Variants in XPOT observed in about 807,000 individuals in gnomAD.
XPOT encodes the protein exportin-T.
XPOT carries 34 observed loss-of-function variants against 128.2 expected under a neutral mutation model. That is an observed-to-expected ratio of 0.27 (90% confidence interval 0.20 to 0.35). The LOEUF (loss-of-function observed/expected upper bound fraction) is 0.35. Ranked by LOEUF, XPOT falls within the 10% of genes least tolerant of loss-of-function variation. XPOT has a pLI of 1.00. For synonymous variants in XPOT, 348 were observed against 394.3 expected (o/e 0.88, Z 1.39); for missense variants, 838 against 1,125.3 (o/e 0.74, Z 3.65).
chr12:64,435,725 T>G, intron 22 of XPOT, 51 bp downstream of exon 22: 1 of 1,530,004 alleles, frequency 6.5e-7, no homozygotes, highest in Non-Finnish European at 8.8e-7. Context: ...TGTGGTATTA[T>G]TATCTTGTTC....
At chr12:64,412,704 A>G (rs781212358) in intron 2 of XPOT, among the ~76,000 whole-genome samples, 3 of 152,166 alleles carry the variant, frequency 2.0e-5, no homozygotes, top group African/African-American at 4.8e-5. Context: ...AATCAATTCA[A>G]TTCTGACACT....
In XPOT at chr12:64,435,623, A is replaced by G. The variant is rs1402264229; in HGVS notation, c.2686-4A>G. 1.3e-6 allele frequency: 2 copies of G among 1,591,372 alleles called. No individual in the cohort carries two copies. Among genetic ancestry groups the G allele is most frequent in the Admixed American group, 1.7e-5 (1 of 58,162 alleles). The stretch of plus-strand genomic sequence containing the variant: ...ATAGAAATTCTTAAACTTGTTTTTC[A>G]CAGGCTTTATCTGAGTGTGCAGTGA... On this transcript the variant is annotated splice_region_variant and splice_polypyrimidine_tract_variant and intron_variant, in intron 21 of 24. Transcript: ENST00000332707.
At chr12:64,415,060 T>C in intron 3 of XPOT, 71 bp downstream of exon 3, 1 of 950,978 alleles carries the variant, frequency 1.1e-6, no homozygotes. Flanking sequence ...AATTTACCTG[T>C]ATTTGGAAAG....
chr12:64,442,522 T>G (rs528484925), intron 23 of XPOT: 1 of 152,392 alleles, frequency 6.6e-6, no homozygotes, highest in Non-Finnish European at 1.5e-5. Flanking sequence ...GGCACTGGCT[T>G]TCAGTGTTGC....
intron 2 of XPOT, among the ~76,000 whole-genome samples, chr12:64,413,362 C>T (rs777868656): frequency 6.6e-5 from 10 of 152,136 alleles, no homozygotes; most frequent in Non-Finnish European, 1.3e-4. Flanking sequence ...CTCAAGTGAT[C>T]TTCCCACCTT....
chr12:64,437,482 CAGATT>C (rs374300569), intron 22 of XPOT, among the ~76,000 whole-genome samples: 2 of 152,174 alleles, frequency 1.3e-5, no homozygotes, highest in African/African-American at 2.4e-5. Flanking sequence ...TGTACAAAGA[CAGATT>C]AGATTAGATG....
chr12:64,438,958 G>C (rs980413998), intron 22 of XPOT, among the ~76,000 whole-genome samples: 3 of 152,130 alleles, frequency 2.0e-5, no homozygotes, highest in African/African-American at 7.2e-5. Context: ...TGGAGAAACT[G>C]AGGCTTAGAG....
chr12:64,421,020 T>G (rs1024145135), intron 8 of XPOT, among the ~76,000 whole-genome samples: 1 of 152,214 alleles, frequency 6.6e-6, no homozygotes, highest in East Asian at 1.9e-4. Context: ...CAGGCTTGTC[T>G]CGAACTCTTG....
At chr12:64,427,947 T>A in intron 15 of XPOT, 104 bp from the exon 16 acceptor site, 2 of 737,572 alleles carry the variant, frequency 2.7e-6, no homozygotes, top group South Asian at 3.2e-5. Flanking sequence ...GTGACTAGCC[T>A]ACAACTGAAC....
intron 2 of XPOT, among the ~76,000 whole-genome samples, chr12:64,413,777 T>C (rs2040062021): frequency 6.6e-6 from 1 of 152,230 alleles, no homozygotes; most frequent in Non-Finnish European, 1.5e-5. Flanking sequence ...TATAGGTACA[T>C]ATGCACATAA....
intron 15 of XPOT, among the ~76,000 whole-genome samples, chr12:64,426,680 T>G (rs1324897775): frequency 6.6e-6 from 1 of 152,112 alleles, no homozygotes; most frequent in Non-Finnish European, 1.5e-5. Context: ...GTGTACCCCC[T>G]GAATTTAAAA....
intron 23 of XPOT, among the ~76,000 whole-genome samples, chr12:64,440,287 A>G (rs754392119): frequency 6.6e-6 from 1 of 152,222 alleles, no homozygotes; most frequent in African/African-American, 2.4e-5. Context: ...ATGTTGTTAC[A>G]TATGGCAGGA....
At chr12:64,436,874 C>T (rs932182761) in intron 22 of XPOT, among the ~76,000 whole-genome samples, 1 of 152,196 alleles carries the variant, frequency 6.6e-6, no homozygotes, top group Non-Finnish European at 1.5e-5. Flanking sequence ...CCAGCTGATT[C>T]TGGGTATTTG....
rs774281446 is a variant in XPOT, at chr12:64,418,060, C to T, written c.215C>T (p.Thr72Ile). The change falls in exon 5 of 25, where the codon ACC becomes ATC. Residue 72 changes from threonine (T) to isoleucine (I), a missense_variant. Transcript: ENST00000332707. Reference sequence around the variant, plus strand: ...ATTTTGAACAGATACTCAGAACTAACCACTGTTCAACAACAGCTAATTAGG... The same window carrying T: ...ATTTTGAACAGATACTCAGAACTAATCACTGTTCAACAACAGCTAATTAGG... ...HQVKYKYSEL[T>I]TVQQQLIRET... The T allele has an allele frequency of 5.0e-6, 8 of 1,613,218 alleles. No homozygotes were observed. The highest frequency in any genetic ancestry group is 5.9e-6 in the Non-Finnish European group (7 of 1,179,550).
intron 24 of XPOT, among the ~76,000 whole-genome samples, chr12:64,445,713 A>T (rs1205647512): frequency 6.6e-6 from 1 of 152,238 alleles, no homozygotes. Context: ...CAAGTACTAC[A>T]GTAATGGCTG....
intron 15 of XPOT, among the ~76,000 whole-genome samples, chr12:64,427,379 C>G (rs985487185): frequency 6.6e-6 from 1 of 152,088 alleles, no homozygotes; most frequent in Non-Finnish European, 1.5e-5. Context: ...CTTCAGCCTC[C>G]CAAAGTGCTG....
intron 22 of XPOT, among the ~76,000 whole-genome samples, chr12:64,439,036 A>G (rs1262263059): frequency 6.6e-6 from 1 of 152,206 alleles, no homozygotes; most frequent in East Asian, 1.9e-4. Flanking sequence ...ACAAAACTGC[A>G]TGTTCTGCAC....
intron 21 of XPOT, 49 bp downstream of exon 21, chr12:64,434,958 A>G (rs373831197): frequency 5.5e-5 from 81 of 1,464,428 alleles, no homozygotes; most frequent in Non-Finnish European, 7.5e-5. Flanking sequence ...ATATATTCCC[A>G]ATTTCTTCTT....
At chr12:64,442,697 C>T (rs2040335515) in intron 23 of XPOT, 1 of 152,452 alleles carries the variant, frequency 6.6e-6, no homozygotes, top group Non-Finnish European at 1.5e-5. Context: ...CATTCTTCCC[C>T]ACGATTTTTT....
Sources: gnomAD v4.1 joint callset for allele counts (sites outside exome capture counted in the v4.1 genomes callset) on GRCh38, gnomAD v4.1.1 for gene constraint, MANE v1.5 for transcripts, NCBI Gene and HGNC (gene_info 2026-07-23, HGNC 2026-07-21) for gene names.